The following STIM2 variants were observed in gnomAD, a reference collection of about 807,000 sequenced individuals.
STIM2 encodes stromal interaction molecule 2.
STIM2 carries 31 observed loss-of-function variants against 85.8 expected under a neutral mutation model. The ratio of observed to expected loss-of-function variants is 0.36; its 90% CI spans 0.27 to 0.49. STIM2 has a LOEUF of 0.49. Ranked by LOEUF, STIM2 falls within the 20% of genes least tolerant of loss-of-function variation. The pLI is 0.98. For missense variants in STIM2, 841 were observed against 927.6 expected (o/e 0.91, Z 1.21); for synonymous variants, 356 against 331.1 (o/e 1.08, Z -0.82).
At chr4:26,893,582 C>T (rs1560197798) in intron 1 of STIM2, among the ~76,000 whole-genome samples, 1 of 152,042 alleles carries the variant, frequency 6.6e-6, no homozygotes, top group Non-Finnish European at 1.5e-5. Context: ...TAGTTTTGAC[C>T]TTTTATGAAC....
intron 3 of STIM2, among the ~76,000 whole-genome samples, chr4:26,965,517 A>G (rs1686354414): frequency 6.6e-6 from 1 of 152,132 alleles, no homozygotes; most frequent in Non-Finnish European, 1.5e-5. Flanking sequence ...GAGCACTCAC[A>G]GTAAGTTGCT....
At chr4:26,885,693 A>G (rs1723191323) in intron 1 of STIM2, among the ~76,000 whole-genome samples, 3 of 151,394 alleles carry the variant, frequency 2.0e-5, no homozygotes, top group African/African-American at 7.3e-5. Flanking sequence ...TTCAGAATGT[A>G]ACTTTCAGAT....
At chr4:26,899,624 G>A (rs932236889) in intron 1 of STIM2, among the ~76,000 whole-genome samples, 9 of 152,120 alleles carry the variant, frequency 5.9e-5, no homozygotes, top group South Asian at 4.1e-4. Flanking sequence ...TTTGATGACA[G>A]AGCTGATAAT....
At chr4:26,928,182 C>T (rs1725055506) in intron 2 of STIM2, among the ~76,000 whole-genome samples, 1 of 152,022 alleles carries the variant, frequency 6.6e-6, no homozygotes, top group Non-Finnish European at 1.5e-5. Context: ...GAGGGTTGGG[C>T]CCTTATGGTC....
At chr4:26,973,756 G>T (rs530453355) in intron 3 of STIM2, among the ~76,000 whole-genome samples, 1 of 152,216 alleles carries the variant, frequency 6.6e-6, no homozygotes, top group East Asian at 1.9e-4. Flanking sequence ...TATTAGGTCC[G>T]CTTGGTGCAG....
chr4:27,018,731 G>T (rs970359216), intron 11 of STIM2, among the ~76,000 whole-genome samples: 2 of 152,174 alleles, frequency 1.3e-5, no homozygotes, highest in African/African-American at 4.8e-5. Context: ...CACTGGACAC[G>T]GTTGACTCAG....
At chr4:26,888,782 G>A (rs891247011) in intron 1 of STIM2, among the ~76,000 whole-genome samples, 1 of 152,122 alleles carries the variant, frequency 6.6e-6, no homozygotes, top group African/African-American at 2.4e-5. Context: ...CTTGTATTCC[G>A]GACTTAGTCT....
intron 10 of STIM2, among the ~76,000 whole-genome samples, chr4:27,014,383 A>C (rs1216271390): frequency 1.3e-5 from 2 of 151,924 alleles, no homozygotes; most frequent in Non-Finnish European, 2.9e-5. Context: ...TGATCATCAA[A>C]TATTAAAAGG....
intron 3 of STIM2, among the ~76,000 whole-genome samples, chr4:26,963,698 A>G (rs1051621571): frequency 7.2e-5 from 11 of 152,198 alleles, no homozygotes; most frequent in African/African-American, 2.7e-4. Context: ...AAGAGAATGG[A>G]CAGATTTATT....
intron 2 of STIM2, among the ~76,000 whole-genome samples, chr4:26,945,622 G>T (rs1216389144): frequency 1.3e-5 from 2 of 151,976 alleles, no homozygotes; most frequent in East Asian, 3.9e-4. Flanking sequence ...GTTATTTTTT[G>T]ACTTTTAATA....
At chr4:26,865,290 T>C (rs1722361876) in intron 1 of STIM2, among the ~76,000 whole-genome samples, 1 of 152,188 alleles carries the variant, frequency 6.6e-6, no homozygotes, top group Non-Finnish European at 1.5e-5. Flanking sequence ...GTAATCTAAT[T>C]GGTCTGGAAA....
chr4:26,865,228 A>G (rs1434921626), intron 1 of STIM2, among the ~76,000 whole-genome samples: 1 of 152,158 alleles, frequency 6.6e-6, no homozygotes, highest in African/African-American at 2.4e-5. Context: ...GGATTAAAGA[A>G]TCTCTTCATA....
At chr4:27,016,939 A>G (rs1728750885) in intron 10 of STIM2, among the ~76,000 whole-genome samples, 1 of 152,234 alleles carries the variant, frequency 6.6e-6, no homozygotes, top group South Asian at 2.1e-4. Context: ...TGCAGACAGT[A>G]CTGGGGAGCG....
intron 3 of STIM2, among the ~76,000 whole-genome samples, chr4:26,972,372 T>TA (rs1262915943): frequency 6.6e-6 from 1 of 152,204 alleles, no homozygotes; most frequent in East Asian, 1.9e-4. Flanking sequence ...ATACTGGCTG[T>TA]GGGTTTGTCA....
chr4:26,876,028 AT>A (rs1722805746), intron 1 of STIM2, among the ~76,000 whole-genome samples: 1 of 152,112 alleles, frequency 6.6e-6, no homozygotes, highest in Non-Finnish European at 1.5e-5. Flanking sequence ...AAAGGAGCAT[AT>A]TAGTGGCTCA....
In STIM2 at chr4:26,907,573, T is replaced by C. The variant is rs184725521; in HGVS notation, c.152-11931T>C. The stretch of plus-strand genomic sequence containing the variant: ...AGAGACACAATTACATTTTCTGCTT[T>C]GATGTTTTAATTATCAATAAAGATT... On this transcript the variant is annotated intron_variant, in intron 1 of 11. Transcript: ENST00000467087. 1.4e-4 allele frequency among the ~76,000 whole-genome samples: 21 copies of C among 152,340 alleles called. No homozygotes were observed. In the East Asian group the frequency reaches 2.9e-3, roughly 21 times the overall value.
At chr4:26,963,556 A>G (rs556529692) in intron 3 of STIM2, among the ~76,000 whole-genome samples, 64 of 152,348 alleles carry the variant, frequency 4.2e-4, no homozygotes, top group African/African-American at 1.3e-3. Flanking sequence ...AGTAGAAAAT[A>G]AGGAAGTATG....
At chr4:26,983,273 G>A (rs940132784) in intron 3 of STIM2, among the ~76,000 whole-genome samples, 1 of 152,188 alleles carries the variant, frequency 6.6e-6, no homozygotes, top group African/African-American at 2.4e-5. Flanking sequence ...TTCTCTGGCT[G>A]TTGACAAAGG....
intron 2 of STIM2, among the ~76,000 whole-genome samples, 200 bp from the exon 3 acceptor site, chr4:26,957,412 T>A (rs1005234450): frequency 5.3e-5 from 8 of 152,146 alleles, no homozygotes; most frequent in African/African-American, 1.9e-4. Context: ...CTGGTGGTGG[T>A]GGCGTTACGA....
Sources: allele counts gnomAD v4.1 joint callset (sites outside exome capture counted in the v4.1 genomes callset), GRCh38; gene constraint gnomAD v4.1.1; transcripts MANE v1.5; gene names NCBI Gene and HGNC (gene_info 2026-07-23, HGNC 2026-07-21).